Variants in MRTFB observed in about 807,000 individuals in gnomAD.
MRTFB encodes the protein myocardin related transcription factor B, also known as myocardin-related transcription factor B.
A neutral mutation model predicts 104.2 loss-of-function variants in MRTFB; 29 were observed. That is an observed-to-expected ratio of 0.28 (90% confidence interval 0.21 to 0.38). The LOEUF is 0.38. MRTFB is among the 10% of genes least tolerant of loss of function. The pLI is 1.00. For missense variants in MRTFB, 1,270 were observed against 1,341.6 expected (o/e 0.95, Z 0.83); for synonymous variants, 535 against 519.5 (o/e 1.03, Z -0.41).
intron 2 of MRTFB, among the ~76,000 whole-genome samples, chr16:14,117,492 C>T (rs2036602705): frequency 6.6e-6 from 1 of 152,192 alleles, no homozygotes; most frequent in South Asian, 2.1e-4. Context: ...CTGTGTTTTA[C>T]TTAAATGTTT....
intron 7 of MRTFB, among the ~76,000 whole-genome samples, chr16:14,218,297 G>T (rs979730725): frequency 6.6e-6 from 1 of 152,056 alleles, no homozygotes; most frequent in Non-Finnish European, 1.5e-5. Flanking sequence ...CTGACCTCAT[G>T]ATCCACCCGC....
intron 2 of MRTFB, among the ~76,000 whole-genome samples, chr16:14,090,356 A>G (rs2034980309): frequency 6.6e-6 from 1 of 152,194 alleles, no homozygotes; most frequent in East Asian, 1.9e-4. Context: ...CTAACCTTAC[A>G]CCCAATGTGC....
intron 1 of MRTFB, among the ~76,000 whole-genome samples, chr16:14,072,985 A>G (rs1230998378): frequency 6.6e-6 from 1 of 152,198 alleles, no homozygotes; most frequent in Non-Finnish European, 1.5e-5. Flanking sequence ...TTTTGGTTCA[A>G]TATCAGTATC....
Position 14,264,054 on chromosome 16 carries a change from G to T in MRTFB, c.*2610G>T, listed in dbSNP as rs1218670734. 1 of 152,210 alleles carries T rather than the reference G, an allele frequency of 6.6e-6. No homozygotes were observed. Among genetic ancestry groups the T allele is most frequent in the Admixed American group, 6.5e-5 (1 of 15,284 alleles). 9.4% of individuals were successfully genotyped at this position (152,210 alleles called of 1,614,324 possible). On this transcript the variant is annotated 3_prime_UTR_variant, in exon 17 of 17. Coordinates refer to ENST00000571589, the MANE Select transcript of MRTFB (RefSeq NM_001308142.2). ...TGCGTGTGATGGTGAGTGCAATGAGGAAGGGTGGATATTGACTAAAGACTG... is the reference window on the plus strand; with the variant it reads ...TGCGTGTGATGGTGAGTGCAATGAGTAAGGGTGGATATTGACTAAAGACTG...
chr16:14,200,859 G>A lies in MRTFB; in HGVS notation c.155-9384G>A, dbSNP rs541812132. 3.9e-4 allele frequency: 566 copies of A among 1,459,082 alleles called. 4 individuals carry two copies. In the African/African-American group the frequency reaches 6.9e-3, roughly 18 times the overall value. 90.4% of individuals were successfully genotyped at this position (1,459,082 alleles called of 1,614,324 possible). Reference sequence around the variant, plus strand: ...GTGTGGTGCTACAAGGTGCCAACCTGTATGGTTACCTCAGGTGTAAGGTGG... The same window carrying A: ...GTGTGGTGCTACAAGGTGCCAACCTATATGGTTACCTCAGGTGTAAGGTGG... On this transcript the variant is annotated intron_variant, in intron 3 of 16. Transcript: ENST00000571589.
chr16:14,178,160 A>T (rs183628360), intron 3 of MRTFB, among the ~76,000 whole-genome samples: 163 of 152,296 alleles, frequency 1.1e-3, no homozygotes, highest in African/African-American at 3.8e-3. Flanking sequence ...AGACCTAAAC[A>T]AATTGTCTGG....
At chr16:14,140,298 A>C (rs1220752001) in intron 2 of MRTFB, among the ~76,000 whole-genome samples, 1 of 152,130 alleles carries the variant, frequency 6.6e-6, no homozygotes, top group Non-Finnish European at 1.5e-5. Flanking sequence ...ACTTTCTTTA[A>C]TCTGTGGTAT....
the MRTFB span, among the ~76,000 whole-genome samples, chr16:14,010,749 C>G: frequency 1.3e-5 from 2 of 152,150 alleles, no homozygotes; most frequent in Non-Finnish European, 2.9e-5. Flanking sequence ...TCTAGAGTTG[C>G]CTTGTCCAAT....
At chr16:14,250,391 T>G (rs1567219697) in intron 13 of MRTFB, among the ~76,000 whole-genome samples, 1 of 152,176 alleles carries the variant, frequency 6.6e-6, no homozygotes, top group African/African-American at 2.4e-5. Flanking sequence ...TATGGCCACA[T>G]ATTTGTAAAA....
At chr16:14,158,269 C>T (rs548799504) in intron 3 of MRTFB, among the ~76,000 whole-genome samples, 5 of 152,290 alleles carry the variant, frequency 3.3e-5, no homozygotes, top group African/African-American at 1.2e-4. Flanking sequence ...TGCATATTTC[C>T]ACATTCTTCC....
intron 2 of MRTFB, among the ~76,000 whole-genome samples, chr16:14,123,135 GTTGT>G (rs1198455561): frequency 9.2e-5 from 14 of 152,188 alleles, no homozygotes; most frequent in Admixed American, 2.6e-4. Flanking sequence ...TTTTGATGGG[GTTGT>G]TTGTTTTTTT....
At chr16:14,082,399 G>A (rs2034463480) in intron 2 of MRTFB, among the ~76,000 whole-genome samples, 1 of 152,250 alleles carries the variant, frequency 6.6e-6, no homozygotes, top group African/African-American at 2.4e-5. Context: ...TCGTCTATGT[G>A]TCTGTATTTT....
chr16:14,161,715 TAGA>T (rs1388434349), intron 3 of MRTFB, among the ~76,000 whole-genome samples: 3 of 152,128 alleles, frequency 2.0e-5, no homozygotes, highest in Non-Finnish European at 4.4e-5. Context: ...CTTTAGCATA[TAGA>T]AGGACTTCTA....
chr16:14,180,717 A>G (rs2039739810), intron 3 of MRTFB, among the ~76,000 whole-genome samples: 1 of 152,192 alleles, frequency 6.6e-6, no homozygotes, highest in South Asian at 2.1e-4. Flanking sequence ...CAGGCCTGTC[A>G]TGGGACCATG....
At chr16:14,242,065 C>T (rs1179379822) in intron 10 of MRTFB, among the ~76,000 whole-genome samples, 2 of 151,898 alleles carry the variant, frequency 1.3e-5, no homozygotes, top group Admixed American at 1.3e-4. Context: ...TAAAACCGTG[C>T]ATCATCCTCA....
the MRTFB span, among the ~76,000 whole-genome samples, chr16:14,038,627 G>A: frequency 0.28 from 43,149 of 152,052 alleles, 6,695 homozygotes; most frequent in East Asian, 0.6. Context: ...AACCATATCT[G>A]TACAAGTTAC....
At chr16:14,083,597 C>T (rs911537985) in intron 2 of MRTFB, among the ~76,000 whole-genome samples, 3 of 152,158 alleles carry the variant, frequency 2.0e-5, no homozygotes, top group Admixed American at 2.0e-4. Context: ...CTCTGTTTCC[C>T]CCATCTGATG....
At chr16:14,200,875 T>C in intron 3 of MRTFB, 1 of 1,458,734 alleles carries the variant, frequency 6.9e-7, no homozygotes. Flanking sequence ...TTACCTCAGG[T>C]GTAAGGTGGG....
intron 8 of MRTFB, among the ~76,000 whole-genome samples, chr16:14,219,891 A>G (rs1458802163): frequency 6.6e-6 from 1 of 152,208 alleles, no homozygotes; most frequent in Admixed American, 6.5e-5. Context: ...GAGAGCAAGT[A>G]TATTTTGAGC....
Sources: gnomAD v4.1 joint callset for allele counts (sites outside exome capture counted in the v4.1 genomes callset) on GRCh38, gnomAD v4.1.1 for gene constraint, MANE v1.5 for transcripts, NCBI Gene and HGNC (gene_info 2026-07-23, HGNC 2026-07-21) for gene names.